The following PCDHGA3 variants were observed in gnomAD, a reference collection of about 807,000 sequenced individuals.
The protein encoded by PCDHGA3 is protocadherin gamma-A3.
A neutral mutation model predicts 58.5 loss-of-function variants in PCDHGA3; 40 were observed. The ratio of observed to expected loss-of-function variants is 0.68; its 90% CI spans 0.53 to 0.89. The LOEUF is 0.89. Ranked by LOEUF, PCDHGA3 falls within the 40% of genes least tolerant of loss-of-function variation. PCDHGA3 has a pLI of 0.00. For synonymous variants in PCDHGA3, 530 were observed against 525.7 expected, an observed-to-expected ratio of 1.01 and a Z score of -0.11; for missense variants, 1,223 against 1,195.9, an observed-to-expected ratio of 1.02 and a Z score of -0.33.
At chr5:141,399,470 TC>T in intron 1 of PCDHGA3, 1 of 1,614,018 alleles carries the variant, frequency 6.2e-7, no homozygotes, top group South Asian at 1.1e-5. Context: ...GCTCCGGTTT[TC>T]CACCAGGCGT....
chr5:141,449,425 G>T (rs1206395356), intron 1 of PCDHGA3, among the ~76,000 whole-genome samples: 2 of 151,688 alleles, frequency 1.3e-5, no homozygotes, highest in Non-Finnish European at 2.9e-5. Context: ...TGGCCAACAT[G>T]ATAAAACTCC....
chr5:141,384,346 G>A (rs992832645), intron 1 of PCDHGA3: 3 of 1,613,746 alleles, frequency 1.9e-6, no homozygotes, highest in Non-Finnish European at 2.5e-6. Context: ...CGACAGTGAG[G>A]ATAATGCCCA....
At position 141,476,753 on chromosome 5, in the gene PCDHGA3, G is replaced by C; in HGVS notation, c.2425-18054G>C. On this transcript the variant is annotated intron_variant, in intron 1 of 3. Coordinates refer to ENST00000253812, the MANE Select transcript of PCDHGA3 (RefSeq NM_018916.4). This position sits in a 1 kb window ranked among gnomAD's most constrained non-coding sequence, Gnocchi z 7.6. Reference sequence around the variant, plus strand: ...AGAACGGGAGCCTAGTCTCCAGTTAGTGCTGACGGCGTTGGACGGAGGGAC... The same window carrying C: ...AGAACGGGAGCCTAGTCTCCAGTTACTGCTGACGGCGTTGGACGGAGGGAC... 3.1e-6 allele frequency: 5 copies of C among 1,614,012 alleles called. No individual in the cohort carries two copies. The highest frequency in any genetic ancestry group is 4.2e-6 in the Non-Finnish European group (5 of 1,180,030).
At chr5:141,421,261 C>T (rs753531462) in intron 1 of PCDHGA3, 24 of 1,609,076 alleles carry the variant, frequency 1.5e-5, no homozygotes, top group Non-Finnish European at 2.0e-5. Context: ...GGACCGCAGT[C>T]GGCTGCTGCT....
In PCDHGA3 at chr5:141,486,913, G is replaced by A. The variant is rs2099636995; in HGVS notation, c.2425-7894G>A. ...CTGGTTCCTTATGTCCCCAAGCACT[G>A]CCTCCATCAGTTGGTGCTGGCCACC... On this transcript the variant is annotated intron_variant, in intron 1 of 3. Transcript: ENST00000253812. The surrounding 1 kb of genome is among the most constrained non-coding windows in gnomAD (Gnocchi z 5.0). The A allele has an allele frequency of 1.9e-6, 3 of 1,614,092 alleles. No individual in the cohort carries two copies. The highest frequency in any genetic ancestry group is 1.3e-5 in the African/African-American group (1 of 74,938).
At chr5:141,393,334 C>A in intron 1 of PCDHGA3, 1 of 1,613,960 alleles carries the variant, frequency 6.2e-7, no homozygotes, top group Non-Finnish European at 8.5e-7. Flanking sequence ...CAGCTCAGCC[C>A]CAATCACCAC....
At chr5:141,433,208 CTT>C (rs745329085) in intron 1 of PCDHGA3, 289 of 1,287,502 alleles carry the variant, frequency 2.2e-4, no homozygotes, top group South Asian at 2.8e-4. Context: ...AATCTTCTTT[CTT>C]TTTTTTTTTT....
At chr5:141,398,811 C>T (rs1231007055) in intron 1 of PCDHGA3, 4 of 1,613,862 alleles carry the variant, frequency 2.5e-6, no homozygotes, top group Non-Finnish European at 3.4e-6. Context: ...CCACTGAGCT[C>T]CGGATCCAGG....
At chr5:141,422,302 G>A (rs749870505) in intron 1 of PCDHGA3, 2 of 1,549,012 alleles carry the variant, frequency 1.3e-6, no homozygotes, top group Admixed American at 4.3e-5. Flanking sequence ...TTCAATTCTG[G>A]AAAACTCTCC....
chr5:141,393,574 A>T (rs2092798550), intron 1 of PCDHGA3: 2 of 1,613,798 alleles, frequency 1.2e-6, no homozygotes, highest in Non-Finnish European at 1.7e-6. Context: ...GTCCTTGAGA[A>T]CATGCCCCCA....
chr5:141,360,690 T>C (rs747739176), intron 1 of PCDHGA3: 5 of 1,613,954 alleles, frequency 3.1e-6, no homozygotes, highest in Non-Finnish European at 4.2e-6. Flanking sequence ...AGAAACAGAC[T>C]CCAGATGGTC....
intron 3 of PCDHGA3, among the ~76,000 whole-genome samples, chr5:141,510,162 A>C (rs947806998): frequency 6.6e-6 from 1 of 151,838 alleles, no homozygotes; most frequent in Non-Finnish European, 1.5e-5. Flanking sequence ...AATCTCAGCT[A>C]CTCAGGAGGT....
chr5:141,487,485 G>A lies in PCDHGA3; in HGVS notation c.2425-7322G>A. On this transcript the variant is annotated intron_variant, in intron 1 of 3. Transcript: ENST00000253812. The surrounding 1 kb of genome is among the most constrained non-coding windows in gnomAD (Gnocchi z 5.0). ...GTTGATGTGGGAGGCCACTCTCATG[G>A]CTGTACACCCTTGGCTTCTGCACCC... The A allele has an allele frequency of 6.2e-7, 1 of 1,614,164 alleles. No homozygotes were observed. Among genetic ancestry groups the A allele is most frequent in the Non-Finnish European group, 8.5e-7 (1 of 1,180,030 alleles).
rs2097403311 is a variant in PCDHGA3 at position 141,431,640 on chromosome 5, T to C, written c.2425-63167T>C. 6.2e-7 allele frequency: 1 copy of C among 1,614,094 alleles called. No individual in the cohort carries two copies. The highest frequency in any genetic ancestry group is 8.5e-7 in the Non-Finnish European group (1 of 1,180,040). On this transcript the variant is annotated intron_variant, in intron 1 of 3. Coordinates refer to ENST00000253812, the MANE Select transcript of PCDHGA3 (RefSeq NM_018916.4). This position sits in a 1 kb window ranked among gnomAD's most constrained non-coding sequence, Gnocchi z 4.8. ...GACAAGGCGGCCCAAGTTTTCAAACTAGATTGTAATTCAGGGACAATATCA... is the reference window on the plus strand; with the variant it reads ...GACAAGGCGGCCCAAGTTTTCAAACCAGATTGTAATTCAGGGACAATATCA...
intron 1 of PCDHGA3, chr5:141,372,835 C>T (rs894902171): frequency 1.3e-6 from 2 of 1,535,142 alleles, no homozygotes; most frequent in Non-Finnish European, 1.8e-6. Context: ...CCTTTCCTTC[C>T]ATAAATATAA....
Position 141,377,593 on chromosome 5 carries a change from C to T in PCDHGA3, c.2424+31136C>T, listed in dbSNP as rs923684056. 2.8e-4 allele frequency: 40 copies of T among 144,542 alleles called. 1 individual carries two copies. The highest frequency in any genetic ancestry group is 4.7e-4 in the African/African-American group (18 of 38,630). 9.0% of individuals were successfully genotyped at this position (144,542 alleles called of 1,614,324 possible). On this transcript the variant is annotated intron_variant, in intron 1 of 3. Transcript: ENST00000253812. ...CCTGGGAGACAGAATGAGACTTTTT[C>T]TCTCTCTCTCTCAAAAAAAAAAAAA...
intron 1 of PCDHGA3, among the ~76,000 whole-genome samples, chr5:141,406,353 T>G (rs1380718525): frequency 6.6e-6 from 1 of 152,196 alleles, no homozygotes; most frequent in Admixed American, 6.5e-5. Context: ...CAGGTCATAC[T>G]ATGTTTGTAA....
In PCDHGA3 at chr5:141,376,236, G is replaced by T. The variant is rs202155785; in HGVS notation, c.2424+29779G>T. ...GTGCTGCTGGCGCTCAGACTGCAGCGCTGGCACAAGTCACGCCTGCTGCAG... is the reference window on the plus strand; with the variant it reads ...GTGCTGCTGGCGCTCAGACTGCAGCTCTGGCACAAGTCACGCCTGCTGCAG... On this transcript the variant is annotated intron_variant, in intron 1 of 3. Coordinates refer to ENST00000253812, the MANE Select transcript of PCDHGA3 (RefSeq NM_018916.4). The T allele has an allele frequency of 2.8e-3, 4,477 of 1,614,208 alleles. 145 individuals carry two copies. In the South Asian group the frequency reaches 0.046, roughly 17 times the overall value.
chr5:141,375,685 C>T (rs1771752072), intron 1 of PCDHGA3: 1 of 1,614,262 alleles, frequency 6.2e-7, no homozygotes, highest in Non-Finnish European at 8.5e-7. Flanking sequence ...GGGTGACAGC[C>T]AGCGACAGCG....
Sources: gnomAD v4.1 joint callset for allele counts (sites outside exome capture counted in the v4.1 genomes callset) on GRCh38, gnomAD v4.1.1 for gene constraint, Gnocchi (gnomAD v3.1) non-coding constraint, MANE v1.5 for transcripts, NCBI Gene and HGNC (gene_info 2026-07-23, HGNC 2026-07-21) for gene names.